MAN1C1: variants seen among roughly 807,000 people sequenced by gnomAD.
MAN1C1 encodes the protein mannosidase alpha class 1C member 1.
MAN1C1 carries 49 observed loss-of-function variants against 71.5 expected under a neutral mutation model. That is an observed-to-expected ratio of 0.69 (90% CI 0.54 to 0.87). The LOEUF (loss-of-function observed/expected upper bound fraction) is 0.87. MAN1C1 is among the 40% of genes least tolerant of loss of function. MAN1C1 has a pLI of 0.00. For synonymous variants in MAN1C1, 352 were observed against 343.7 expected, an observed-to-expected ratio of 1.02 and a Z score of -0.27; for missense variants, 743 against 835.0, an observed-to-expected ratio of 0.89 and a Z score of 1.36.
At chr1:25,703,091 A>G (rs1179361527) in intron 2 of MAN1C1, among the ~76,000 whole-genome samples, 3 of 152,376 alleles carry the variant, frequency 2.0e-5, no homozygotes, top group Non-Finnish European at 4.4e-5. Flanking sequence ...TAAAAATAGC[A>G]TCTCTGTTGA....
intron 1 of MAN1C1, among the ~76,000 whole-genome samples, chr1:25,675,203 C>G (rs2046047188): frequency 1.3e-5 from 2 of 152,002 alleles, no homozygotes; most frequent in Admixed American, 6.5e-5. Context: ...TATACTGTAC[C>G]CAATATGTAG....
At chr1:25,675,789 T>C (rs151079129) in intron 1 of MAN1C1, among the ~76,000 whole-genome samples, 2,147 of 152,372 alleles carry the variant, frequency 0.014, 32 homozygotes, top group Middle Eastern at 0.034. Flanking sequence ...CGAGCCATTG[T>C]GCTCAACACT....
intron 2 of MAN1C1, among the ~76,000 whole-genome samples, chr1:25,729,459 TC>T (rs1369656798): frequency 1.3e-5 from 2 of 151,134 alleles, no homozygotes; most frequent in African/African-American, 4.9e-5. Flanking sequence ...AAGGCAGGCG[TC>T]CCATTTTCTT....
At chr1:25,722,216 G>A (rs1406146318) in intron 2 of MAN1C1, among the ~76,000 whole-genome samples, 1 of 152,120 alleles carries the variant, frequency 6.6e-6, no homozygotes, top group East Asian at 1.9e-4. Flanking sequence ...CGTACTCTTT[G>A]TCCTCAATGT....
At chr1:25,681,376 T>C (rs1040376391) in intron 1 of MAN1C1, among the ~76,000 whole-genome samples, 3 of 152,184 alleles carry the variant, frequency 2.0e-5, no homozygotes, top group African/African-American at 7.2e-5. Context: ...TAAGGTGTTA[T>C]CGACCAGGGA....
intron 2 of MAN1C1, among the ~76,000 whole-genome samples, chr1:25,687,711 C>T (rs534158735): frequency 1.3e-5 from 2 of 152,266 alleles, no homozygotes; most frequent in East Asian, 3.9e-4. Context: ...TCTGACTGTT[C>T]AGACATTTCA....
intron 2 of MAN1C1, among the ~76,000 whole-genome samples, chr1:25,739,617 C>T (rs1233226492): frequency 6.6e-6 from 1 of 152,154 alleles, no homozygotes; most frequent in Admixed American, 6.5e-5. Context: ...TCCAGGGAGG[C>T]AGGCTGGTTC....
At position 25,686,484 on chromosome 1, in the gene MAN1C1, G is replaced by GA; in HGVS notation, c.590dup (p.Asn197LysfsTer14). 6.2e-7 allele frequency: 1 copy of GA among 1,614,192 alleles called. No individual in the cohort carries two copies. Among genetic ancestry groups the GA allele is most frequent in the East Asian group, 2.2e-5 (1 of 44,888 alleles). On this transcript the variant is annotated frameshift_variant, in exon 2 of 12. Transcript: ENST00000374332. LOFTEE classifies it high-confidence loss of function. ...AGAGCTATAAGCGTTATGCAATGGG[G>GA]AAAAACGAACTCCGTCCACTAACAA...
At chr1:25,666,415 A>G (rs1346720804) in intron 1 of MAN1C1, among the ~76,000 whole-genome samples, 2 of 152,224 alleles carry the variant, frequency 1.3e-5, no homozygotes, top group Non-Finnish European at 2.9e-5. Context: ...CTGGAGTCAA[A>G]TCTGAGAGCA....
At chr1:25,665,968 C>T (rs1202343672) in intron 1 of MAN1C1, among the ~76,000 whole-genome samples, 2 of 145,286 alleles carry the variant, frequency 1.4e-5, no homozygotes, top group African/African-American at 2.6e-5. Flanking sequence ...AAGTGGCTAT[C>T]GCTTAAAGAT....
intron 2 of MAN1C1, among the ~76,000 whole-genome samples, chr1:25,708,501 C>T (rs1387718233): frequency 6.6e-6 from 1 of 152,166 alleles, no homozygotes; most frequent in Non-Finnish European, 1.5e-5. Flanking sequence ...TCAGCTACCC[C>T]CGCCCATCTC....
At chr1:25,683,667 G>A (rs556297906) in intron 1 of MAN1C1, among the ~76,000 whole-genome samples, 1 of 152,146 alleles carries the variant, frequency 6.6e-6, no homozygotes, top group African/African-American at 2.4e-5. Flanking sequence ...GTGGGGGGTA[G>A]GGGCTGGAAG....
At chr1:25,765,629 C>T (rs1473436843) in intron 7 of MAN1C1, among the ~76,000 whole-genome samples, 2 of 152,138 alleles carry the variant, frequency 1.3e-5, no homozygotes, top group Middle Eastern at 3.2e-3. Flanking sequence ...CATGGAGGGG[C>T]GTAGGAAGAA....
At chr1:25,741,515 T>C (rs1490229837) in intron 2 of MAN1C1, among the ~76,000 whole-genome samples, 1 of 152,150 alleles carries the variant, frequency 6.6e-6, no homozygotes, top group Non-Finnish European at 1.5e-5. Context: ...CCAGCCTGGC[T>C]CCTGCCCTCC....
chr1:25,744,605 C>A (rs1378831045), intron 2 of MAN1C1, among the ~76,000 whole-genome samples: 3 of 152,170 alleles, frequency 2.0e-5, no homozygotes, highest in Non-Finnish European at 4.4e-5. Context: ...TGACCTCCAG[C>A]CTCATCTTCC....
At chr1:25,636,921 G>A (rs546243203) in intron 1 of MAN1C1, among the ~76,000 whole-genome samples, 3 of 152,266 alleles carry the variant, frequency 2.0e-5, no homozygotes, top group Admixed American at 1.3e-4. Context: ...TTGGGAGGCC[G>A]AGGCAGGTGG....
intron 1 of MAN1C1, among the ~76,000 whole-genome samples, chr1:25,644,099 T>C (rs2045576296): frequency 6.6e-6 from 1 of 152,124 alleles, no homozygotes; most frequent in Non-Finnish European, 1.5e-5. Context: ...GGGTGCACCA[T>C]GGTAACACCA....
chr1:25,680,131 C>T (rs1166054411), intron 1 of MAN1C1, among the ~76,000 whole-genome samples: 12 of 151,838 alleles, frequency 7.9e-5, no homozygotes, highest in South Asian at 2.1e-4. Flanking sequence ...GGCGCAATCT[C>T]GGCTCACTAC....
chr1:25,704,507 G>T (rs2046492058), intron 2 of MAN1C1, among the ~76,000 whole-genome samples: 1 of 152,232 alleles, frequency 6.6e-6, no homozygotes, highest in South Asian at 2.1e-4. Flanking sequence ...TGGCTGCTCA[G>T]CACGTGCTTG....
Sources: allele counts gnomAD v4.1 joint callset (sites outside exome capture counted in the v4.1 genomes callset), GRCh38; gene constraint gnomAD v4.1.1; transcripts MANE v1.5; gene names NCBI Gene and HGNC (gene_info 2026-07-23, HGNC 2026-07-21).